The following DOHH variants were observed in gnomAD, a reference collection of about 807,000 sequenced individuals.
The protein encoded by DOHH is deoxyhypusine hydroxylase.
DOHH carries 16 observed loss-of-function variants against 19.9 expected under a neutral mutation model. The observed-to-expected ratio is 0.80, with a 90% confidence interval of 0.54 to 1.22. The LOEUF (loss-of-function observed/expected upper bound fraction) is 1.22, where lower values mean the gene tolerates loss of function less well. DOHH is among the 50% of genes most tolerant of loss of function. The pLI is 0.00. For synonymous variants in DOHH, 233 were observed against 217.0 expected, an observed-to-expected ratio of 1.07 and a Z score of -0.65; for missense variants, 460 against 460.6, an observed-to-expected ratio of 1.00 and a Z score of 0.01.
chr19:3,491,587 T>A lies in DOHH; in HGVS notation c.814A>T (p.Ser272Cys). Residue 272 changes from serine (S) to cysteine (C), a missense_variant, in exon 5 of 5, where the codon AGC becomes TGC. By Grantham distance (112) the Ser-to-Cys change is moderately radical. Transcript: ENST00000427575. The surrounding 1 kb of genome is among the most constrained non-coding windows in gnomAD (Gnocchi z 5.6). ...ADDPERVVRE[S>C]CEVALDMYEH... ...TACATGTCCAGAGCCACCTCGCAGC[T>A]CTCACGCACCACGCGCTCTGGGTCG... The A allele has an allele frequency of 2.6e-6, 4 of 1,535,850 alleles. No individual in the cohort carries two copies. Among genetic ancestry groups the A allele is most frequent in the Non-Finnish European group, 3.5e-6 (4 of 1,146,640 alleles).
At chr19:3,492,169 C>T (rs779624333) in intron 4 of DOHH, 93 bp downstream of exon 4, 2 of 1,199,792 alleles carry the variant, frequency 1.7e-6, no homozygotes, top group South Asian at 1.9e-5. Context: ...ATGCCGTTCC[C>T]GGGGGCAGGC....
Position 3,496,573 on chromosome 19 carries a change from G to T in DOHH, c.242C>A (p.Thr81Asn), listed in dbSNP as rs201118421. Reference sequence around the variant, plus strand: ...ATGGCGCACCATGGGCTCCTGACGGGTGTCTTGCAGCACGTCCACCAGCAT... The same window carrying T: ...ATGGCGCACCATGGGCTCCTGACGGTTGTCTTGCAGCACGTCCACCAGCAT... ...IPMLVDVLQD[T>N]RQEPMVRHEA... Residue 81 changes from threonine to asparagine, a missense_variant, in exon 2 of 5, where the codon ACC becomes AAC. Physicochemically the swap from Thr to Asn is moderately conservative, Grantham distance 65. Coordinates refer to ENST00000427575, the MANE Select transcript of DOHH (RefSeq NM_001145165.2). This position sits in a 1 kb window ranked among gnomAD's most constrained non-coding sequence, Gnocchi z 4.8. The T allele has an allele frequency of 1.5e-4, 246 of 1,613,516 alleles. No homozygotes were observed. The highest frequency in any genetic ancestry group is 1.6e-5 in the Non-Finnish European group (19 of 1,179,906).
chr19:3,493,558 C>A (rs535297354), intron 3 of DOHH, among the ~76,000 whole-genome samples: 1 of 151,672 alleles, frequency 6.6e-6, no homozygotes, highest in Non-Finnish European at 1.5e-5. Context: ...TGCAGTGAGC[C>A]GAGATCGCGC....
In DOHH at chr19:3,496,674, G is replaced by C. The variant is rs371544653; in HGVS notation, c.141C>G (p.Phe47Leu). ...PGAIAWISQA[F>L]DDDSALLKHE... ...GCTTGAGCAGGGCGGAATCGTCATC[G>C]AAGGCCTGGCTGATCCATGCAATGG... is the stretch of plus-strand genomic sequence containing the variant. Residue 47 changes from phenylalanine (F) to leucine (L), a missense_variant, in exon 2 of 5, where the codon TTC becomes TTG. Transcript: ENST00000427575. This position sits in a 1 kb window ranked among gnomAD's most constrained non-coding sequence, Gnocchi z 4.8. The C allele has an allele frequency of 5.0e-6, 8 of 1,613,930 alleles. No homozygotes were observed. In the African/African-American group the frequency reaches 9.3e-5, roughly 19 times the overall value.
intron 1 of DOHH, 83 bp downstream of exon 1, chr19:3,500,478 G>A (rs1007528782): frequency 6.6e-6 from 1 of 152,250 alleles, no homozygotes; most frequent in African/African-American, 2.4e-5. Context: ...CCTGAGACCG[G>A]ATTCCCTAAC....
chr19:3,492,298 C>T lies in DOHH; in HGVS notation c.553G>A (p.Ala185Thr), dbSNP rs780673069. Residue 185 changes from alanine to threonine, a missense_variant, in exon 4 of 5, where the codon GCG becomes ACG. By Grantham distance (58) the Ala-to-Thr change is moderately conservative. Coordinates refer to ENST00000427575, the MANE Select transcript of DOHH (RefSeq NM_001145165.2). ...RYRAMFALRNAGGEEAALALA... is the reference protein window; with the variant it reads ...RYRAMFALRNTGGEEAALALA... ...GCCAGGGCGGCCTCCTCGCCTCCCG[C>T]GTTGCGCAGGGCGAACATGGCGCGG... 9 of 1,521,018 alleles carry T rather than the reference C, an allele frequency of 5.9e-6. No homozygotes were observed. The highest frequency in any genetic ancestry group is 2.5e-5 in the East Asian group (1 of 39,682). 94.2% of individuals were successfully genotyped at this position (1,521,018 alleles called of 1,614,324 possible).
In DOHH at chr19:3,491,877, G is replaced by C; in HGVS notation, c.590-66C>G. ...GGAAGGGGAGCTCTGTCTTTTCGAA[G>C]ACATGGGGTCTTGCTATCTTGCCCA... On this transcript the variant is annotated intron_variant, in intron 4 of 4. Transcript: ENST00000427575. This position sits in a 1 kb window ranked among gnomAD's most constrained non-coding sequence, Gnocchi z 5.6. 6 of 1,366,166 alleles carry C rather than the reference G, an allele frequency of 4.4e-6. No individual in the cohort carries two copies. Among genetic ancestry groups the C allele is most frequent in the Admixed American group, 3.4e-5 (1 of 29,704 alleles). 84.6% of individuals were successfully genotyped at this position (1,366,166 alleles called of 1,614,324 possible). A position where few individuals can be genotyped will look rare whatever the true frequency, so the allele number is the denominator to read the frequency against.
intron 3 of DOHH, 106 bp from the exon 4 acceptor site, chr19:3,492,605 G>A: frequency 1.1e-6 from 1 of 913,878 alleles, no homozygotes; most frequent in Non-Finnish European, 1.5e-6. Flanking sequence ...CACTGGCAGG[G>A]TGACTAACCC....
In DOHH at chr19:3,496,841, C is replaced by T; in HGVS notation, c.-27G>A. 1.3e-6 allele frequency: 2 copies of T among 1,527,230 alleles called. No individual in the cohort carries two copies. The highest frequency in any genetic ancestry group is 1.8e-6 in the Non-Finnish European group (2 of 1,140,008). 94.6% of individuals were successfully genotyped at this position (1,527,230 alleles called of 1,614,324 possible). ...GTGCTGTCAATGGGTCCCGGCCTTC[C>T]ACAACCCTGCTCAGGCTAAACCTGG... On this transcript the variant is annotated 5_prime_UTR_variant, in exon 2 of 5. Transcript: ENST00000427575. This position sits in a 1 kb window ranked among gnomAD's most constrained non-coding sequence, Gnocchi z 4.8.
chr19:3,494,673 C>T (rs1049967927), intron 2 of DOHH, among the ~76,000 whole-genome samples: 1 of 152,238 alleles, frequency 6.6e-6, no homozygotes, highest in Non-Finnish European at 1.5e-5. Context: ...CCGTAGAGCC[C>T]TGGGTGCAGA....
intron 3 of DOHH, 92 bp downstream of exon 3, chr19:3,493,936 C>A: frequency 7.9e-7 from 1 of 1,269,228 alleles, no homozygotes; most frequent in South Asian, 1.4e-5. Context: ...TGGGGAGGGT[C>A]TGAGGCTGCT....
Position 3,491,865 on chromosome 19 carries a change from T to G in DOHH, c.590-54A>C. ...CCAGGAGGGGTGGGAAGGGGAGCTC[T>G]GTCTTTTCGAAGACATGGGGTCTTG... On this transcript the variant is annotated intron_variant, in intron 4 of 4. Transcript: ENST00000427575. This position sits in a 1 kb window ranked among gnomAD's most constrained non-coding sequence, Gnocchi z 5.6. 1 of 1,393,088 alleles carries G rather than the reference T, an allele frequency of 7.2e-7. No homozygotes were observed. Among genetic ancestry groups the G allele is most frequent in the Non-Finnish European group, 9.3e-7 (1 of 1,069,552 alleles). The allele number at this position is 1,393,088 out of a possible 1,614,324, so 86.3% of individuals were successfully genotyped here.
Position 3,496,618 on chromosome 19 carries a change from T to C in DOHH, c.197A>G (p.Gln66Arg), listed in dbSNP as rs750868904. The change falls in exon 2 of 5, where the codon CAG becomes CGG. Residue 66 changes from glutamine to arginine, a missense_variant. By Grantham distance (43) the Gln-to-Arg change is conservative. Coordinates refer to ENST00000427575, the MANE Select transcript of DOHH (RefSeq NM_001145165.2). This position sits in a 1 kb window ranked among gnomAD's most constrained non-coding sequence, Gnocchi z 4.8. The stretch of plus-strand genomic sequence containing the variant: ...CAGCATGGGGATGGCGCGGGCATCC[T>C]GCATCTGGCCCAGGCAGTAGGCCAG... ...HELAYCLGQM[Q>R]DARAIPMLVD... 4 of 1,614,020 alleles carry C rather than the reference T, an allele frequency of 2.5e-6. No homozygotes were observed. In the South Asian group the frequency reaches 4.4e-5, roughly 18 times the overall value.
chr19:3,492,376 C>A lies in DOHH; in HGVS notation c.475G>T (p.Gly159Trp). 3 of 1,538,474 alleles carry A rather than the reference C, an allele frequency of 1.9e-6. No homozygotes were observed. The highest frequency in any genetic ancestry group is 2.6e-6 in the Non-Finnish European group (3 of 1,149,408). ...PAPPAEERDV[G>W]RLREALLDES... ...TCCAGCAGCGCCTCCCGCAGGCGCC[C>A]CACGTCACGCTCCTCAGCCGGCGGG... Residue 159 changes from glycine to tryptophan, a missense_variant, in exon 4 of 5, where the codon GGG becomes TGG. Gly to Trp is a radical substitution (Grantham distance 184). Coordinates refer to ENST00000427575, the MANE Select transcript of DOHH (RefSeq NM_001145165.2).
intron 3 of DOHH, among the ~76,000 whole-genome samples, chr19:3,492,997 G>A (rs75918375): frequency 2.5e-4 from 38 of 151,720 alleles, no homozygotes; most frequent in East Asian, 1.7e-3. Context: ...ACTGAGGGTC[G>A]GGGTGGGATG....
At position 3,493,928 on chromosome 19, in the gene DOHH, G is replaced by A. The variant is rs549606329; in HGVS notation, c.351+100C>T. The A allele has an allele frequency of 8.9e-6, 10 of 1,125,976 alleles. No homozygotes were observed. In the African/African-American group the frequency reaches 1.3e-4, roughly 14 times the overall value. 69.7% of individuals were successfully genotyped at this position (1,125,976 alleles called of 1,614,324 possible). ...GTGGTCGCCCTGGCAACCAGAGATGGGGAGGGTCTGAGGCTGCTCCAGGTC... is the reference window on the plus strand; with the variant it reads ...GTGGTCGCCCTGGCAACCAGAGATGAGGAGGGTCTGAGGCTGCTCCAGGTC... On this transcript the variant is annotated intron_variant, in intron 3 of 4. Transcript: ENST00000427575.
chr19:3,496,553 G>C lies in DOHH; in HGVS notation c.262C>G (p.Arg88Gly), dbSNP rs149892071. The change falls in exon 2 of 5, where the codon CGC becomes GGC. Residue 88 changes from arginine (R) to glycine (G), a missense_variant. Physicochemically the swap from Arg to Gly is moderately radical, Grantham distance 125 (BLOSUM62 -2). Transcript: ENST00000427575. This position sits in a 1 kb window ranked among gnomAD's most constrained non-coding sequence, Gnocchi z 4.8. The stretch of plus-strand genomic sequence containing the variant: ...GACAGGTGCTCACCTGCCTCATGGC[G>C]CACCATGGGCTCCTGACGGGTGTCT... ...LQDTRQEPMV[R>G]HEAGEALGAI... is the part of the protein sequence containing the mutation. 3 of 1,611,102 alleles carry C rather than the reference G, an allele frequency of 1.9e-6. No individual in the cohort carries two copies. The South Asian group carries it at 3.3e-5, about 18-fold the overall frequency.
chr19:3,494,004 G>C (rs2082889460), intron 3 of DOHH, 24 bp downstream of exon 3: 3 of 1,608,156 alleles, frequency 1.9e-6, no homozygotes, highest in Non-Finnish European at 2.6e-6. Flanking sequence ...AGACTGGCAG[G>C]GAGACAAGCA....
chr19:3,493,590 G>A (rs1198314347), intron 3 of DOHH, among the ~76,000 whole-genome samples: 16 of 151,486 alleles, frequency 1.1e-4, no homozygotes, highest in Admixed American at 7.2e-4. Context: ...CAGCCTGGGC[G>A]ACAGAGCGAG....
Sources: gnomAD v4.1 joint callset for allele counts (sites outside exome capture counted in the v4.1 genomes callset) on GRCh38, gnomAD v4.1.1 for gene constraint, Gnocchi (gnomAD v3.1) non-coding constraint, MANE v1.5 for transcripts, NCBI Gene and HGNC (gene_info 2026-07-23, HGNC 2026-07-21) for gene names.